MME: variants seen among roughly 807,000 people sequenced by gnomAD.
MME encodes neprilysin.
MME carries 98 observed loss-of-function variants against 113.2 expected under a neutral mutation model. The observed-to-expected ratio is 0.87, with a 90% CI of 0.74 to 1.02. The LOEUF is 1.02. Among genes scored for constraint, MME ranks in the 50% least tolerant of loss-of-function variants. The probability of loss-of-function intolerance (pLI) is 0.00; values close to 1 mark genes in which losing one functional copy is unlikely to be tolerated. For synonymous variants in MME, 292 were observed against 300.6 expected, an observed-to-expected ratio of 0.97 and a Z score of 0.30; for missense variants, 836 against 896.0, an observed-to-expected ratio of 0.93 and a Z score of 0.86.
chr3:155,071,531 A>G (rs1236796341), intron 1 of MME, among the ~76,000 whole-genome samples: 1 of 152,210 alleles, frequency 6.6e-6, no homozygotes. Flanking sequence ...TATTTCTCCC[A>G]TCATCACAAT....
intron 8 of MME, among the ~76,000 whole-genome samples, chr3:155,135,106 A>G (rs1720522210): frequency 6.6e-6 from 1 of 152,090 alleles, no homozygotes; most frequent in Non-Finnish European, 1.5e-5. Flanking sequence ...CTATGTTCAT[A>G]GTTTCTTTTG....
chr3:155,091,807 C>A (rs142874313), intron 3 of MME, among the ~76,000 whole-genome samples: 2 of 152,162 alleles, frequency 1.3e-5, no homozygotes, highest in Non-Finnish European at 2.9e-5. Flanking sequence ...AATTTTCATT[C>A]TTTAAGACCA....
At chr3:155,084,773 C>T (rs1358417398) in intron 2 of MME, among the ~76,000 whole-genome samples, 1 of 152,042 alleles carries the variant, frequency 6.6e-6, no homozygotes, top group African/African-American at 2.4e-5. Context: ...AAATGATTAC[C>T]AAGCAAAAAC....
intron 22 of MME, among the ~76,000 whole-genome samples, chr3:155,176,292 G>T (rs1712510441): frequency 6.6e-6 from 1 of 151,956 alleles, no homozygotes; most frequent in South Asian, 2.1e-4. Flanking sequence ...TTTGCCAAGG[G>T]AATAAACATC....
chr3:155,085,020 G>C, intron 2 of MME, 39 bp from the exon 3 acceptor site: 2 of 1,422,960 alleles, frequency 1.4e-6, no homozygotes, highest in Non-Finnish European at 1.9e-6. Flanking sequence ...TTAAAAATTT[G>C]TGTTGCCAAT....
At chr3:155,101,115 G>T (rs76816486) in intron 3 of MME, among the ~76,000 whole-genome samples, 238 of 152,174 alleles carry the variant, frequency 1.6e-3, no homozygotes, top group African/African-American at 5.4e-3. Context: ...TTCTTGCCAC[G>T]TGAGATGCCT....
chr3:155,162,966 T>C (rs1722820182), intron 17 of MME, among the ~76,000 whole-genome samples: 1 of 139,572 alleles, frequency 7.2e-6, no homozygotes, highest in African/African-American at 2.7e-5. Context: ...TGAGCTGAGA[T>C]CATGCCACTG....
At chr3:155,066,023 A>G (rs1576679841) in intron 1 of MME, among the ~76,000 whole-genome samples, 1 of 152,338 alleles carries the variant, frequency 6.6e-6, no homozygotes, top group East Asian at 1.9e-4. Context: ...CTATTCACTT[A>G]GCAGAGCGAA....
rs1037835077 is a variant in MME at position 155,142,346 on chromosome 3, C to G, written c.1188+16C>G. 5 of 1,592,580 alleles carry G rather than the reference C, an allele frequency of 3.1e-6. No individual in the cohort carries two copies. Among genetic ancestry groups the G allele is most frequent in the Non-Finnish European group, 4.3e-6 (5 of 1,160,742 alleles). ...TTTCCGCAAGGTGAAGAAAAAATCT[C>G]TCTTTTCTTAAGACTTAAAGCATAA... is the stretch of plus-strand genomic sequence containing the variant. On this transcript the variant is annotated intron_variant, in intron 12 of 22. Coordinates refer to ENST00000360490, the MANE Select transcript of MME (RefSeq NM_007289.4).
intron 3 of MME, chr3:155,090,021 G>C (rs1010803573): frequency 3.7e-6 from 1 of 273,116 alleles, no homozygotes; most frequent in African/African-American, 2.2e-5. Context: ...TTAGAAGTGT[G>C]GTCCTAAATT....
At chr3:155,108,790 C>T (rs9832950) in intron 3 of MME, among the ~76,000 whole-genome samples, 25,606 of 151,902 alleles carry the variant, frequency 0.17, 2,297 homozygotes, top group African/African-American at 0.22. Context: ...GAAAACAAGC[C>T]TCCAGGGAAT....
rs1353320545 is a variant in MME, at chr3:155,073,898, C to G, written c.-10-10260C>G. ...TTTTTAATATTGATCTTTTATCCAA[C>G]AATCATATTACTGTCTTATAAATAT... On this transcript the variant is annotated intron_variant, in intron 1 of 22. Transcript: ENST00000492661. Among the ~76,000 whole-genome samples the G allele has an allele frequency of 2.0e-5, 3 of 152,052 alleles. No homozygotes were observed. The East Asian group carries it at 5.8e-4, about 29-fold the overall frequency.
chr3:155,070,870 A>G (rs951546114), intron 1 of MME, among the ~76,000 whole-genome samples: 3 of 152,216 alleles, frequency 2.0e-5, no homozygotes, highest in Admixed American at 6.5e-5. Context: ...TAATCATGCC[A>G]AAATTGAGCA....
intron 1 of MME, among the ~76,000 whole-genome samples, chr3:155,025,960 A>AC (rs1712769235): frequency 6.6e-6 from 1 of 151,874 alleles, no homozygotes; most frequent in African/African-American, 2.4e-5. Flanking sequence ...ATTTTTGCAG[A>AC]CTAAAAGATA....
At chr3:155,069,972 AT>A (rs1714500944) in intron 1 of MME, among the ~76,000 whole-genome samples, 1 of 152,126 alleles carries the variant, frequency 6.6e-6, no homozygotes, top group Non-Finnish European at 1.5e-5. Context: ...ACAGGAAGAG[AT>A]TGTTTTCCTT....
intron 3 of MME, chr3:155,090,336 T>A (rs1576710675): frequency 6.6e-6 from 1 of 152,392 alleles, no homozygotes; most frequent in African/African-American, 2.4e-5. Context: ...TGCACAGCGG[T>A]CCCCTTCTTA....
intron 3 of MME, among the ~76,000 whole-genome samples, chr3:155,102,735 G>A (rs915563203): frequency 6.6e-6 from 1 of 152,128 alleles, no homozygotes; most frequent in Non-Finnish European, 1.5e-5. Context: ...GCAAGAATGA[G>A]GTCTCTTTCC....
At position 155,172,191 on chromosome 3, in the gene MME, A is replaced by G. The variant is rs1362836115; in HGVS notation, c.2055A>G (p.Leu685=). ...LPGLDLNHKQ[L]FFLNFAQVWC... ...GACTTGACCTAAATCACAAACAACTATTTTTCTTGAACTTTGCACAGGTAT... is the reference window on the plus strand; with the variant it reads ...GACTTGACCTAAATCACAAACAACTGTTTTTCTTGAACTTTGCACAGGTAT... The change falls in exon 21 of 23, where the codon CTA becomes CTG. Residue 685 remains leucine, a synonymous_variant. Coordinates refer to ENST00000360490, the MANE Select transcript of MME (RefSeq NM_007289.4). 6 of 1,609,538 alleles carry G rather than the reference A, an allele frequency of 3.7e-6. No individual in the cohort carries two copies. Among genetic ancestry groups the G allele is most frequent in the Middle Eastern group, 1.6e-4 (1 of 6,068 alleles).
At chr3:155,110,672 T>C (rs1718121987) in intron 3 of MME, among the ~76,000 whole-genome samples, 1 of 152,244 alleles carries the variant, frequency 6.6e-6, no homozygotes, top group Admixed American at 6.5e-5. Flanking sequence ...GTGACCATTT[T>C]CTTAAATTAA....
Sources: allele counts gnomAD v4.1 joint callset (sites outside exome capture counted in the v4.1 genomes callset), GRCh38; gene constraint gnomAD v4.1.1; transcripts MANE v1.5; gene names NCBI Gene and HGNC (gene_info 2026-07-23, HGNC 2026-07-21).